The following GSE1 variants were observed in gnomAD, a reference collection of about 807,000 sequenced individuals.
The protein encoded by GSE1 is Gse1 coiled-coil protein.
GSE1 carries 32 observed loss-of-function variants against 112.6 expected under a neutral mutation model. The ratio of observed to expected loss-of-function variants is 0.28; its 90% CI spans 0.21 to 0.38. GSE1 has a LOEUF of 0.38. Ranked by LOEUF, GSE1 falls within the 10% of genes least tolerant of loss-of-function variation. The pLI is 1.00. For missense variants in GSE1, 2,348 were observed against 1,699.2 expected (o/e 1.38, Z -6.71); for synonymous variants, 1,115 against 735.6 (o/e 1.52, Z -8.35).
At chr16:85,409,393 T>C (rs537625463) in intron 2 of GSE1, among the ~76,000 whole-genome samples, 4 of 29,548 alleles carry the variant, frequency 1.4e-4, no homozygotes, top group African/African-American at 2.1e-4. Flanking sequence ...TAATCCTCAC[T>C]GTTACACTCA....
intron 2 of GSE1, among the ~76,000 whole-genome samples, chr16:85,380,789 C>G (rs942744594): frequency 2.0e-5 from 3 of 152,244 alleles, no homozygotes; most frequent in African/African-American, 7.2e-5. Flanking sequence ...CTCCGCTGCT[C>G]CTCCAGCTGA....
At chr16:85,517,908 C>T (rs986801869) in intron 2 of GSE1, among the ~76,000 whole-genome samples, 14 of 152,358 alleles carry the variant, frequency 9.2e-5, no homozygotes, top group African/African-American at 1.4e-4. Flanking sequence ...CAGTGTGTGG[C>T]GCCTGGCAGG....
intron 1 of GSE1, among the ~76,000 whole-genome samples, chr16:85,613,847 G>A (rs2048170911): frequency 7.4e-6 from 1 of 135,002 alleles, no homozygotes; most frequent in Non-Finnish European, 1.6e-5. Flanking sequence ...GACGGCCGAG[G>A]AAGCGGGGGT....
At chr16:85,456,579 CGTGTGTGTGTGTGTGTGTGTGTGTGT>C (rs35279881) in intron 2 of GSE1, among the ~76,000 whole-genome samples, 18 of 91,556 alleles carry the variant, frequency 2.0e-4, no homozygotes, top group African/African-American at 6.3e-4. Context: ...ATTTTCCTGC[CGTGTGTGTGTGTGTGTGTGTGTGTGT>C]GTGTGTGTGT....
chr16:85,299,086 AG>A (rs2045446821), intron 1 of GSE1, among the ~76,000 whole-genome samples: 1 of 152,236 alleles, frequency 6.6e-6, no homozygotes, highest in African/African-American at 2.4e-5. Flanking sequence ...CCCTCTGGTC[AG>A]TGAATATGTG....
intron 1 of GSE1, among the ~76,000 whole-genome samples, chr16:85,227,874 G>A (rs998666959): frequency 6.6e-4 from 101 of 152,264 alleles, no homozygotes; most frequent in African/African-American, 2.3e-3. Context: ...ACAAGAGAGG[G>A]AGGGCCCTAC....
At chr16:85,371,239 A>T (rs1382323755) in intron 2 of GSE1, among the ~76,000 whole-genome samples, 1 of 152,164 alleles carries the variant, frequency 6.6e-6, no homozygotes, top group Non-Finnish European at 1.5e-5. Flanking sequence ...GGCAGTGCTC[A>T]TGGACCAGAA....
intron 2 of GSE1, among the ~76,000 whole-genome samples, chr16:85,449,338 A>G (rs1050699275): frequency 3.3e-5 from 5 of 152,206 alleles, no homozygotes; most frequent in African/African-American, 1.2e-4. Flanking sequence ...GGGCCCAGAA[A>G]AACAAAGCCA....
chr16:85,616,326 G>C (rs1008534890), intron 1 of GSE1, among the ~76,000 whole-genome samples: 6 of 152,270 alleles, frequency 3.9e-5, no homozygotes, highest in African/African-American at 1.4e-4. Context: ...TTCTGGAAGA[G>C]TGCGGATAAG....
chr16:85,169,980 C>G (rs1280957273), exon 1 of GSE1: 2 of 984,630 alleles, frequency 2.0e-6, no homozygotes, highest in Non-Finnish European at 2.4e-6. Context: ...GCGACGACGA[C>G]GAGGACGACG....
intron 1 of GSE1, chr16:85,593,778 T>A (rs1030818971): frequency 6.6e-6 from 1 of 152,256 alleles, no homozygotes; most frequent in Non-Finnish European, 1.5e-5. Flanking sequence ...AAGTGGTAAA[T>A]CATAATTAGA....
At chr16:85,415,329 C>G (rs2048678962) in intron 2 of GSE1, among the ~76,000 whole-genome samples, 1 of 152,158 alleles carries the variant, frequency 6.6e-6, no homozygotes, top group African/African-American at 2.4e-5. Flanking sequence ...CTACAGAGGA[C>G]CTACAGCAGA....
chr16:85,469,918 C>G lies in GSE1; in HGVS notation c.2464+112275C>G, dbSNP rs148435492. Among the ~76,000 whole-genome samples, 701 of 152,346 alleles carry G rather than the reference C, an allele frequency of 4.6e-3. 2 individuals carry two copies. Among genetic ancestry groups the G allele is most frequent in the Non-Finnish European group, 7.8e-3 (530 of 68,030 alleles). On this transcript the variant is annotated intron_variant, in intron 2 of 2. Transcript: ENST00000637419. ...GCCCTTGGCCCGTCAGAGTCCCCGA[C>G]CAGGCACGGGGTACCCCAGGACCCC... is the stretch of plus-strand genomic sequence containing the variant.
chr16:85,463,419 T>A (rs905726755), intron 2 of GSE1, among the ~76,000 whole-genome samples: 1 of 152,054 alleles, frequency 6.6e-6, no homozygotes, highest in Admixed American at 6.5e-5. Context: ...TCAGACCCCG[T>A]GTAGGGAAGT....
In GSE1 at chr16:85,419,449, A is replaced by G. The variant is rs1478309123; in HGVS notation, c.2464+61806A>G. Among the ~76,000 whole-genome samples, 1 of 151,690 alleles carries G rather than the reference A, an allele frequency of 6.6e-6. No homozygotes were observed. Among genetic ancestry groups the G allele is most frequent in the Non-Finnish European group, 1.5e-5 (1 of 67,896 alleles). ...GCAACATAGTGAGACCCTGTCTACG[A>G]ACAAAAGTTAGCCAGGCGTGGTGGT... On this transcript the variant is annotated intron_variant, in intron 2 of 2. Coordinates refer to the GSE1 transcript ENST00000637419. The surrounding 1 kb of genome is among the most constrained non-coding windows in gnomAD (Gnocchi z 6.5).
chr16:85,279,833 T>G (rs1262192662), intron 1 of GSE1, among the ~76,000 whole-genome samples: 7 of 152,092 alleles, frequency 4.6e-5, no homozygotes, highest in Admixed American at 2.0e-4. Context: ...TGAGTGAGGA[T>G]CTGTGTTTCA....
intron 1 of GSE1, among the ~76,000 whole-genome samples, chr16:85,240,134 GTGT>G (rs1472971495): frequency 2.6e-5 from 4 of 152,234 alleles, no homozygotes; most frequent in African/African-American, 9.6e-5. Flanking sequence ...TGGGACATAG[GTGT>G]TGTTCTCCAA....
intron 2 of GSE1, among the ~76,000 whole-genome samples, chr16:85,643,856 C>G (rs979898843): frequency 1.3e-5 from 2 of 151,842 alleles, no homozygotes; most frequent in Non-Finnish European, 2.9e-5. Context: ...AGCAGGAGCC[C>G]GGATCATGAG....
intron 1 of GSE1, among the ~76,000 whole-genome samples, chr16:85,319,933 C>T (rs1265113090): frequency 6.6e-6 from 1 of 152,230 alleles, no homozygotes; most frequent in Non-Finnish European, 1.5e-5. Flanking sequence ...CATGGGTAAG[C>T]TTTCCCTGGG....
Sources: gnomAD v4.1 joint callset for allele counts (sites outside exome capture counted in the v4.1 genomes callset) on GRCh38, gnomAD v4.1.1 for gene constraint, Gnocchi (gnomAD v3.1) non-coding constraint, MANE v1.5 for transcripts, NCBI Gene and HGNC (gene_info 2026-07-23, HGNC 2026-07-21) for gene names.